The following WDR4 variants were observed in gnomAD, a reference collection of about 807,000 sequenced individuals.
WDR4 encodes the protein tRNA (guanine-N(7)-)-methyltransferase non-catalytic subunit WDR4.
WDR4 carries 47 observed loss-of-function variants against 48.6 expected under a neutral mutation model. The observed-to-expected ratio is 0.97, with a 90% confidence interval of 0.77 to 1.23. The LOEUF (loss-of-function observed/expected upper bound fraction) is 1.23, where lower values mean the gene tolerates loss of function less well. Among genes scored for constraint, WDR4 ranks in the 50% most tolerant of loss-of-function variants. The pLI is 0.00. For synonymous variants in WDR4, 268 were observed against 230.0 expected (o/e 1.17, Z -1.49); for missense variants, 606 against 551.6 (o/e 1.10, Z -0.99).
At position 42,862,470 on chromosome 21, in the gene WDR4, C is replaced by A. The variant is rs934929617; in HGVS notation, c.454-76G>T. The A allele has an allele frequency of 6.4e-6, 9 of 1,398,604 alleles. No homozygotes were observed. Among genetic ancestry groups the A allele is most frequent in the Non-Finnish European group, 7.8e-6 (8 of 1,019,674 alleles). The allele number at this position is 1,398,604 out of a possible 1,614,324, so 86.6% of individuals were successfully genotyped here. The stretch of plus-strand genomic sequence containing the variant: ...GAATCAAGTCCCTCATGGAAGAAGG[C>A]AGGGAAGCTGCAGCCTGGCCGCCAA... On this transcript the variant is annotated intron_variant, in intron 4 of 10. Transcript: ENST00000398208. This position sits in a 1 kb window ranked among gnomAD's most constrained non-coding sequence, Gnocchi z 4.3.
upstream of WDR4, among the ~76,000 whole-genome samples, chr21:42,883,314 C>CTT (rs11340340): frequency 8.4e-5 from 10 of 119,470 alleles, no homozygotes; most frequent in East Asian, 7.1e-4. Flanking sequence ...AGAAGTTACC[C>CTT]TTTTTTTTTT....
At chr21:42,855,208 G>C (rs1441060473) in intron 7 of WDR4, among the ~76,000 whole-genome samples, 3 of 152,166 alleles carry the variant, frequency 2.0e-5, no homozygotes, top group African/African-American at 7.2e-5. Flanking sequence ...GAAAAGGCCT[G>C]GTCCTCTCTT....
At chr21:42,866,834 A>G (rs1048251630) in intron 3 of WDR4, among the ~76,000 whole-genome samples, 1 of 152,176 alleles carries the variant, frequency 6.6e-6, no homozygotes, top group African/African-American at 2.4e-5. Flanking sequence ...AAGGAATTTT[A>G]AAAAGATTAT....
At chr21:42,859,542 G>A in intron 6 of WDR4, 120 bp downstream of exon 6, 1 of 666,276 alleles carries the variant, frequency 1.5e-6, no homozygotes, top group Non-Finnish European at 2.4e-6. Flanking sequence ...AAGATCTAGT[G>A]GACAGCCACA....
intron 5 of WDR4, among the ~76,000 whole-genome samples, chr21:42,861,300 C>T (rs6586253): frequency 1.5e-5 from 2 of 136,526 alleles, no homozygotes; most frequent in East Asian, 2.4e-4. Flanking sequence ...GGCGACACAG[C>T]TAAGAAAGAG....
At position 42,872,932 on chromosome 21, in the gene WDR4, C is replaced by T. The variant is rs373094499; in HGVS notation, c.296+619G>A. Among the ~76,000 whole-genome samples, 125 of 152,102 alleles carry T rather than the reference C, an allele frequency of 8.2e-4. 2 individuals are homozygous for T. Among genetic ancestry groups the T allele is most frequent in the African/African-American group, 2.9e-3 (119 of 41,508 alleles). ...AGCCTGGGCAACAAAAGCAAAACTC[C>T]GTCTCAAAAAAATAAAAAAGGAGGA... is the stretch of plus-strand genomic sequence containing the variant. On this transcript the variant is annotated intron_variant, in intron 3 of 10. Coordinates refer to ENST00000398208, the MANE Select transcript of WDR4 (RefSeq NM_018669.6).
At chr21:42,876,791 T>C (rs1321361405) in intron 1 of WDR4, 24 bp from the exon 2 acceptor site, 9 of 1,596,864 alleles carry the variant, frequency 5.6e-6, no homozygotes, top group Non-Finnish European at 7.7e-6. Context: ...ACAATAATTT[T>C]AAAAGGAGTT....
intron 3 of WDR4, among the ~76,000 whole-genome samples, chr21:42,867,052 G>A (rs539727111): frequency 6.6e-6 from 1 of 152,122 alleles, no homozygotes; most frequent in East Asian, 1.9e-4. Flanking sequence ...CACCACCTAA[G>A]GCAAACATTT....
At chr21:42,879,254 G>A (rs2146121859) in intron 1 of WDR4, 153 bp downstream of exon 1, 1 of 1,363,592 alleles carries the variant, frequency 7.3e-7, no homozygotes, top group Non-Finnish European at 9.5e-7. Context: ...CGGCCAGGCC[G>A]AGACTGCGGC....
At chr21:42,884,068 C>T (rs2058623289), upstream of WDR4, among the ~76,000 whole-genome samples, 1 of 152,148 alleles carries the variant, frequency 6.6e-6, no homozygotes, top group Non-Finnish European at 1.5e-5. Flanking sequence ...ATTAGGTTTC[C>T]AAGGTTCATG....
chr21:42,867,228 T>C (rs1033274770), intron 3 of WDR4, among the ~76,000 whole-genome samples: 13 of 151,980 alleles, frequency 8.6e-5, no homozygotes, highest in African/African-American at 3.1e-4. Context: ...CCATCTCTAC[T>C]AAAAATATAA....
At chr21:42,854,699 G>T in intron 7 of WDR4, 73 bp from the exon 8 acceptor site, 1 of 1,453,246 alleles carries the variant, frequency 6.9e-7, no homozygotes, top group South Asian at 1.2e-5. Context: ...GATCCAACAA[G>T]AGCAAGACCG....
At chr21:42,871,561 C>T (rs1040100864) in intron 3 of WDR4, among the ~76,000 whole-genome samples, 5 of 152,200 alleles carry the variant, frequency 3.3e-5, no homozygotes, top group Admixed American at 2.0e-4. Flanking sequence ...AAGAGGATGC[C>T]GTTCACAGGC....
chr21:42,846,040 G>A (rs1246886414), downstream of WDR4, among the ~76,000 whole-genome samples: 2 of 152,076 alleles, frequency 1.3e-5, no homozygotes, highest in East Asian at 3.8e-4. Flanking sequence ...ACTGAGGTGG[G>A]AGGATCGCTT....
At chr21:42,854,800 G>A (rs891021370) in intron 7 of WDR4, among the ~76,000 whole-genome samples, 174 bp from the exon 8 acceptor site, 10 of 152,032 alleles carry the variant, frequency 6.6e-5, no homozygotes, top group African/African-American at 2.4e-4. Flanking sequence ...CTGATTCCCT[G>A]TTTCCCAAGC....
At chr21:42,843,712 A>AT (rs1467987141) in intron 11 of WDR4, among the ~76,000 whole-genome samples, 1 of 152,094 alleles carries the variant, frequency 6.6e-6, no homozygotes, top group Admixed American at 6.6e-5. Context: ...TAACTGGGAC[A>AT]ACAGGCATGT....
intron 2 of WDR4, among the ~76,000 whole-genome samples, chr21:42,875,272 C>T (rs755391740): frequency 6.6e-5 from 10 of 152,060 alleles, no homozygotes; most frequent in Non-Finnish European, 1.3e-4. Flanking sequence ...ATTAGGCAGC[C>T]CTGGCGCGGT....
At chr21:42,863,872 C>A (rs1466861903) in intron 3 of WDR4, among the ~76,000 whole-genome samples, 2 of 147,504 alleles carry the variant, frequency 1.4e-5, no homozygotes, top group African/African-American at 2.6e-5. Flanking sequence ...TTTGGGAGGC[C>A]GAGGTGGGTG....
upstream of WDR4, among the ~76,000 whole-genome samples, chr21:42,884,431 A>T (rs1408169318): frequency 6.6e-6 from 1 of 152,004 alleles, no homozygotes; most frequent in East Asian, 1.9e-4. Flanking sequence ...GGTGGATCAC[A>T]AGGTCAGGAG....
Sources: allele counts gnomAD v4.1 joint callset (sites outside exome capture counted in the v4.1 genomes callset), GRCh38; gene constraint gnomAD v4.1.1; non-coding constraint Gnocchi (gnomAD v3.1); transcripts MANE v1.5; gene names NCBI Gene and HGNC (gene_info 2026-07-23, HGNC 2026-07-21).